The following TMTC2 variants were observed in gnomAD, a reference collection of about 807,000 sequenced individuals.
The protein encoded by TMTC2 is protein O-mannosyl-transferase TMTC2.
Under a neutral mutation model 82.4 loss-of-function variants are expected in TMTC2, and 43 were observed. The ratio of observed to expected loss-of-function variants is 0.52; its 90% CI spans 0.41 to 0.67. The LOEUF is 0.67. TMTC2 is among the 30% of genes least tolerant of loss of function. TMTC2 has a pLI of 0.00. For synonymous variants in TMTC2, 408 were observed against 381.9 expected (o/e 1.07, Z -0.80); for missense variants, 919 against 1,012.4 (o/e 0.91, Z 1.25).
intron 11 of TMTC2, among the ~76,000 whole-genome samples, chr12:83,070,741 G>T (rs1353163349): frequency 6.6e-6 from 1 of 152,118 alleles, no homozygotes; most frequent in East Asian, 1.9e-4. Context: ...GAAGAGTAGT[G>T]GTGAGAGTGG....
intron 3 of TMTC2, among the ~76,000 whole-genome samples, chr12:82,919,042 C>T (rs948797614): frequency 6.6e-6 from 1 of 152,210 alleles, no homozygotes; most frequent in Non-Finnish European, 1.5e-5. Flanking sequence ...AGGCGTAAGC[C>T]ACCACACCCA....
At chr12:82,728,595 G>T (rs1402736953) in intron 1 of TMTC2, among the ~76,000 whole-genome samples, 1 of 152,162 alleles carries the variant, frequency 6.6e-6, no homozygotes, top group Non-Finnish European at 1.5e-5. Flanking sequence ...GTGGTGAGAG[G>T]TGACAGCGTG....
At chr12:82,736,681 C>G (rs879464599) in intron 1 of TMTC2, among the ~76,000 whole-genome samples, 5 of 152,074 alleles carry the variant, frequency 3.3e-5, no homozygotes, top group Middle Eastern at 3.2e-3. Flanking sequence ...ATATTTAGTC[C>G]CATGATTGCT....
At chr12:83,107,177 T>G (rs1290580826) in intron 11 of TMTC2, among the ~76,000 whole-genome samples, 1 of 152,228 alleles carries the variant, frequency 6.6e-6, no homozygotes, top group East Asian at 1.9e-4. Context: ...TCAGTGGAAG[T>G]ATGATCTTAC....
chr12:82,917,066 T>A (rs2137220654), intron 3 of TMTC2, among the ~76,000 whole-genome samples: 1 of 152,252 alleles, frequency 6.6e-6, no homozygotes, highest in East Asian at 1.9e-4. Flanking sequence ...GGCTCTTATT[T>A]CCCTGGAGTC....
chr12:82,738,021 C>G (rs534169733), intron 1 of TMTC2, among the ~76,000 whole-genome samples: 2 of 152,242 alleles, frequency 1.3e-5, no homozygotes, highest in African/African-American at 2.4e-5. Context: ...TCAACTTTCT[C>G]ATTAGTAATT....
intron 11 of TMTC2, among the ~76,000 whole-genome samples, chr12:83,109,363 A>G (rs1884523708): frequency 6.6e-6 from 1 of 152,176 alleles, no homozygotes; most frequent in Non-Finnish European, 1.5e-5. Flanking sequence ...CCTATGATCC[A>G]GTCACCTCCC....
intron 11 of TMTC2, among the ~76,000 whole-genome samples, chr12:83,117,784 G>C (rs1365596014): frequency 6.6e-6 from 1 of 152,136 alleles, no homozygotes; most frequent in Non-Finnish European, 1.5e-5. Context: ...ACCCATCCAT[G>C]AGCATGAGAC....
In TMTC2 at chr12:83,025,874, G is replaced by A. The variant is rs1352332339; in HGVS notation, c.2071-4924G>A. Among the ~76,000 whole-genome samples, 11 of 152,184 alleles carry A rather than the reference G, an allele frequency of 7.2e-5. No individual in the cohort carries two copies. In the South Asian group the frequency reaches 1.7e-3, roughly 23 times the overall value. On this transcript the variant is annotated intron_variant, in intron 8 of 11. Coordinates refer to ENST00000321196, the MANE Select transcript of TMTC2 (RefSeq NM_152588.3). ...CAGCCAGATAAAGAGATACACTTGGGGAGGTTTGGAAACATCCTCAGCATA... is the reference window on the plus strand; with the variant it reads ...CAGCCAGATAAAGAGATACACTTGGAGAGGTTTGGAAACATCCTCAGCATA...
intron 7 of TMTC2, among the ~76,000 whole-genome samples, chr12:82,985,135 C>T (rs559069190): frequency 5.3e-5 from 8 of 152,106 alleles, no homozygotes; most frequent in South Asian, 4.1e-4. Context: ...CAGGGCTCAC[C>T]GTAGCCTTGA....
intron 1 of TMTC2, among the ~76,000 whole-genome samples, chr12:82,746,533 G>GC (rs1875701688): frequency 6.6e-6 from 1 of 152,036 alleles, no homozygotes; most frequent in African/African-American, 2.4e-5. Flanking sequence ...TCCTTTCTCT[G>GC]CCCCCCATCT....
At chr12:83,099,475 G>T (rs745750385) in intron 11 of TMTC2, among the ~76,000 whole-genome samples, 3 of 152,034 alleles carry the variant, frequency 2.0e-5, no homozygotes, top group Admixed American at 6.6e-5. Context: ...TGAATCTTCC[G>T]TGCTATTATT....
At chr12:83,068,967 T>C (rs1323427013) in intron 11 of TMTC2, among the ~76,000 whole-genome samples, 3 of 152,166 alleles carry the variant, frequency 2.0e-5, no homozygotes, top group Non-Finnish European at 4.4e-5. Context: ...TGTTTGGTTT[T>C]CCATTCCTGA....
chr12:82,965,508 A>G, intron 5 of TMTC2, 52 bp from the exon 6 acceptor site: 1 of 1,585,296 alleles, frequency 6.3e-7, no homozygotes, highest in South Asian at 1.1e-5. Context: ...ACTTTATTTT[A>G]TTCAAGTGTA....
At chr12:83,055,030 C>G (rs1882488796) in intron 10 of TMTC2, among the ~76,000 whole-genome samples, 1 of 152,042 alleles carries the variant, frequency 6.6e-6, no homozygotes, top group East Asian at 1.9e-4. Context: ...GAATAATTCC[C>G]AACCACCCAG....
At chr12:82,874,260 C>G (rs1416359780) in intron 2 of TMTC2, among the ~76,000 whole-genome samples, 2 of 152,200 alleles carry the variant, frequency 1.3e-5, no homozygotes, top group African/African-American at 4.8e-5. Context: ...AGTTCTCACA[C>G]AGGTTTTGCC....
chr12:82,859,373 C>A (rs1011180746), intron 2 of TMTC2, among the ~76,000 whole-genome samples: 1 of 152,038 alleles, frequency 6.6e-6, no homozygotes, highest in Non-Finnish European at 1.5e-5. Context: ...GTTGTGATTT[C>A]TTTTACAGAA....
intron 11 of TMTC2, among the ~76,000 whole-genome samples, chr12:83,106,321 G>A (rs772769967): frequency 6.6e-6 from 1 of 152,042 alleles, no homozygotes; most frequent in Non-Finnish European, 1.5e-5. Context: ...CCAATGTGGT[G>A]AAACCCCATC....
At chr12:82,881,023 A>G (rs531947947) in intron 2 of TMTC2, among the ~76,000 whole-genome samples, 1 of 152,312 alleles carries the variant, frequency 6.6e-6, no homozygotes, top group African/African-American at 2.4e-5. Context: ...TTTTATTGAT[A>G]ATGCTAAAAC....
Sources: allele counts gnomAD v4.1 joint callset (sites outside exome capture counted in the v4.1 genomes callset), GRCh38; gene constraint gnomAD v4.1.1; transcripts MANE v1.5; gene names NCBI Gene and HGNC (gene_info 2026-07-23, HGNC 2026-07-21).